ANKS1B: variants seen among roughly 807,000 people sequenced by gnomAD.
The protein encoded by ANKS1B is ankyrin repeat and sterile alpha motif domain containing 1B.
ANKS1B carries 36 observed loss-of-function variants against 148.3 expected under a neutral mutation model. That is an observed-to-expected ratio of 0.24 (90% confidence interval 0.19 to 0.32). ANKS1B has a LOEUF of 0.32. ANKS1B is among the 10% of genes least tolerant of loss of function. The pLI is 1.00. For synonymous variants in ANKS1B, 542 were observed against 560.8 expected (o/e 0.97, Z 0.47); for missense variants, 1,157 against 1,542.6 (o/e 0.75, Z 4.19).
chr12:98,908,496 T>C (rs2099782464), intron 17 of ANKS1B, among the ~76,000 whole-genome samples: 1 of 152,176 alleles, frequency 6.6e-6, no homozygotes, highest in Non-Finnish European at 1.5e-5. Flanking sequence ...GAGTTTTAGT[T>C]TCCTCATCTG....
intron 1 of ANKS1B, among the ~76,000 whole-genome samples, chr12:99,884,757 A>G (rs954938857): frequency 1.2e-4 from 19 of 152,204 alleles, no homozygotes; most frequent in African/African-American, 4.6e-4. Context: ...AAGGCTGACT[A>G]CAAAAGAGCA....
chr12:99,445,920 G>A (rs190917707), intron 10 of ANKS1B, among the ~76,000 whole-genome samples: 30 of 151,650 alleles, frequency 2.0e-4, no homozygotes, highest in Non-Finnish European at 3.5e-4. Context: ...ATGGGGTTTC[G>A]CCATATTGCT....
intron 9 of ANKS1B, among the ~76,000 whole-genome samples, chr12:99,651,640 CA>C (rs1184397799): frequency 2.4e-4 from 37 of 152,118 alleles, no homozygotes; most frequent in African/African-American, 8.2e-4. Flanking sequence ...GTAAATATTT[CA>C]ATCTGCTTCT....
At chr12:98,803,934 G>A (rs2099027978) in intron 20 of ANKS1B, among the ~76,000 whole-genome samples, 1 of 152,134 alleles carries the variant, frequency 6.6e-6, no homozygotes, top group African/African-American at 2.4e-5. Flanking sequence ...CAGCCATTGT[G>A]GGAATAACAA....
intron 14 of ANKS1B, among the ~76,000 whole-genome samples, chr12:99,169,664 A>C (rs536342284): frequency 6.6e-6 from 1 of 152,322 alleles, no homozygotes; most frequent in African/African-American, 2.4e-5. Flanking sequence ...TCAAACACAT[A>C]TTGAGCATTT....
chr12:99,369,383 AAGTC>A (rs781759816), intron 12 of ANKS1B, among the ~76,000 whole-genome samples: 25 of 152,282 alleles, frequency 1.6e-4, no homozygotes, highest in Non-Finnish European at 2.1e-4. Flanking sequence ...TCTCAACAAA[AAGTC>A]AGTATCACAA....
At chr12:99,780,386 C>T (rs2064148140) in intron 5 of ANKS1B, among the ~76,000 whole-genome samples, 1 of 152,158 alleles carries the variant, frequency 6.6e-6, no homozygotes, top group African/African-American at 2.4e-5. Context: ...CGCCATTCTC[C>T]TGCCTCAGAC....
rs970442951 is a variant in ANKS1B at position 98,960,505 on chromosome 12, A to G, written c.2778+92652T>C. Reference sequence around the variant, plus strand: ...GATCACAACACTCAAGTCCCTTTGAATACCTGGAAGGCCCTTCCCAAGAAG... The same window carrying G: ...GATCACAACACTCAAGTCCCTTTGAGTACCTGGAAGGCCCTTCCCAAGAAG... On this transcript the variant is annotated intron_variant, in intron 17 of 26. Coordinates refer to ENST00000683438, the MANE Select transcript of ANKS1B (RefSeq NM_001352186.2). Among the ~76,000 whole-genome samples, 81 of 152,312 alleles carry G rather than the reference A, an allele frequency of 5.3e-4. 1 individual carries two copies. Among genetic ancestry groups the G allele is most frequent in the African/African-American group, 1.9e-3 (80 of 41,572 alleles).
chr12:99,335,766 G>A (rs969689212), intron 12 of ANKS1B, among the ~76,000 whole-genome samples: 7 of 152,080 alleles, frequency 4.6e-5, no homozygotes, highest in Non-Finnish European at 1.0e-4. Context: ...GTCTGCTGAT[G>A]GATGTTTAGG....
chr12:99,068,586 G>A (rs562449454), intron 16 of ANKS1B, among the ~76,000 whole-genome samples: 2 of 152,120 alleles, frequency 1.3e-5, no homozygotes, highest in African/African-American at 4.8e-5. Context: ...GAAACATTTG[G>A]GTGAATTTCT....
At chr12:98,786,202 A>C (rs1220166612) in intron 22 of ANKS1B, among the ~76,000 whole-genome samples, 1 of 152,190 alleles carries the variant, frequency 6.6e-6, no homozygotes, top group Non-Finnish European at 1.5e-5. Context: ...TCATACTTTT[A>C]TTTTTCCAAG....
chr12:99,281,728 G>C, intron 12 of ANKS1B, among the ~76,000 whole-genome samples: 1 of 152,158 alleles, frequency 6.6e-6, no homozygotes, highest in East Asian at 1.9e-4. Flanking sequence ...TTCATTAATA[G>C]AGAAGTAGAA....
At chr12:99,727,938 T>G (rs1325022228) in intron 8 of ANKS1B, among the ~76,000 whole-genome samples, 1 of 152,318 alleles carries the variant, frequency 6.6e-6, no homozygotes, top group South Asian at 2.1e-4. Flanking sequence ...GCTAGCCATA[T>G]GCAGAAAACT....
intron 9 of ANKS1B, among the ~76,000 whole-genome samples, chr12:99,518,729 A>G (rs1364136495): frequency 6.6e-6 from 1 of 151,826 alleles, no homozygotes; most frequent in Non-Finnish European, 1.5e-5. Context: ...AATTTCATTT[A>G]TCTCTGCTTT....
At chr12:99,302,112 A>T (rs2081718738) in intron 12 of ANKS1B, among the ~76,000 whole-genome samples, 1 of 152,140 alleles carries the variant, frequency 6.6e-6, no homozygotes, top group African/African-American at 2.4e-5. Context: ...GTGTTCACAG[A>T]TGGAGATATT....
intron 8 of ANKS1B, among the ~76,000 whole-genome samples, chr12:99,710,028 AT>A (rs1229686563): frequency 2.6e-5 from 4 of 151,970 alleles, no homozygotes; most frequent in Non-Finnish European, 5.9e-5. Flanking sequence ...AATTGCATAG[AT>A]TTTCCATAAT....
chr12:99,399,613 T>A lies in ANKS1B; in HGVS notation c.1756+18A>T. ...GTCTTAAAATAAAAATACAGCTGCA[T>A]AAAGTGAACTGCTTTACCTGTATGG... is the stretch of plus-strand genomic sequence containing the variant. On this transcript the variant is annotated intron_variant, in intron 12 of 26. Coordinates refer to ENST00000683438, the MANE Select transcript of ANKS1B (RefSeq NM_001352186.2). 1 of 1,608,558 alleles carries A rather than the reference T, an allele frequency of 6.2e-7. No individual in the cohort carries two copies. Among genetic ancestry groups the A allele is most frequent in the Non-Finnish European group, 8.5e-7 (1 of 1,176,932 alleles).
rs549031656 is a variant in ANKS1B, at chr12:99,710,473, C to T, written c.1129-55263G>A. 9.9e-5 allele frequency among the ~76,000 whole-genome samples: 15 copies of T among 152,198 alleles called. 1 individual carries two copies. The highest frequency in any genetic ancestry group is 3.6e-4 in the African/African-American group (15 of 41,550). ...AAGACAGGGCGAATCCAGGCCAAGA[C>T]TTCACTGAGATCTCAAGTCTATGTA... On this transcript the variant is annotated intron_variant, in intron 8 of 26. Transcript: ENST00000683438.
At chr12:99,606,892 C>G (rs1457869915) in intron 9 of ANKS1B, among the ~76,000 whole-genome samples, 1 of 152,066 alleles carries the variant, frequency 6.6e-6, no homozygotes, top group South Asian at 2.1e-4. Flanking sequence ...CTAACCAAAG[C>G]CTCTGAAACA....
Sources: allele counts gnomAD v4.1 joint callset (sites outside exome capture counted in the v4.1 genomes callset), GRCh38; gene constraint gnomAD v4.1.1; transcripts MANE v1.5; gene names NCBI Gene and HGNC (gene_info 2026-07-23, HGNC 2026-07-21).